IL1RAPL2: variants seen among roughly 807,000 people sequenced by gnomAD.
IL1RAPL2 encodes interleukin 1 receptor accessory protein like 2.
Under a neutral mutation model 44.1 loss-of-function variants are expected in IL1RAPL2, and 3 were observed. The ratio of observed to expected loss-of-function variants is 0.07; its 90% CI spans 0.03 to 0.18. The LOEUF is 0.18. IL1RAPL2 is among the 10% of genes least tolerant of loss of function. IL1RAPL2 has a pLI of 1.00. For missense variants in IL1RAPL2, 391 were observed against 496.4 expected (o/e 0.79, Z 2.02); for synonymous variants, 181 against 178.8 (o/e 1.01, Z -0.10).
intron 6 of IL1RAPL2, among the ~76,000 whole-genome samples, chrX:105,583,487 T>G (rs1401656576): frequency 1.8e-5 from 2 of 112,144 alleles, no homozygotes; most frequent in African/African-American, 6.5e-5. Flanking sequence ...CTGGTTTTTC[T>G]GCATAAGCCT....
rs764211455 is a variant in IL1RAPL2, at chrX:104,976,808, A to G, written c.83-218667A>G. Among the ~76,000 whole-genome samples the G allele has an allele frequency of 3.6e-5, 4 of 110,701 alleles. No individual in the cohort carries two copies. The South Asian group carries it at 1.6e-3, about 44-fold the overall frequency. ...CCCAAAGGCCTGATTGGGGCCACAG[A>G]AAAATGTGACTCTGGTGTTCCTCAG... On this transcript the variant is annotated intron_variant, in intron 2 of 10. Coordinates refer to ENST00000372582, the MANE Select transcript of IL1RAPL2 (RefSeq NM_017416.2).
At chrX:104,922,725 C>T (rs1924675856) in intron 2 of IL1RAPL2, among the ~76,000 whole-genome samples, 1 of 111,374 alleles carries the variant, frequency 9.0e-6, no homozygotes, top group African/African-American at 3.3e-5. Context: ...GAAAAGGGAC[C>T]AGTACAAGAA....
intron 6 of IL1RAPL2, among the ~76,000 whole-genome samples, chrX:105,698,508 C>T (rs1301443417): frequency 8.9e-6 from 1 of 111,766 alleles, no homozygotes; most frequent in East Asian, 2.8e-4. Context: ...TTTCAGTGCA[C>T]AGTCACCTCT....
chrX:104,771,202 T>C (rs981765124), intron 2 of IL1RAPL2, among the ~76,000 whole-genome samples: 5 of 112,215 alleles, frequency 4.5e-5, no homozygotes, highest in African/African-American at 1.6e-4. Context: ...TAAACCTAAG[T>C]TGTAATCAGC....
intron 2 of IL1RAPL2, among the ~76,000 whole-genome samples, chrX:104,966,370 T>A (rs939989831): frequency 9.0e-6 from 1 of 111,112 alleles, no homozygotes; most frequent in Non-Finnish European, 1.9e-5. Flanking sequence ...GTAGAAAAAT[T>A]GAAAGTAAAA....
intron 5 of IL1RAPL2, among the ~76,000 whole-genome samples, chrX:105,434,412 C>T (rs940467610): frequency 2.6e-4 from 29 of 111,980 alleles, no homozygotes; most frequent in African/African-American, 8.1e-4. Context: ...TGACTGTTTA[C>T]GGCAGCAGTA....
At chrX:104,618,198 G>A (rs1929316545) in intron 1 of IL1RAPL2, among the ~76,000 whole-genome samples, 1 of 111,786 alleles carries the variant, frequency 8.9e-6, no homozygotes, top group Non-Finnish European at 1.9e-5. Context: ...GGTACTTACA[G>A]GTAAGAGCTG....
chrX:104,722,835 C>T (rs1400351957), intron 2 of IL1RAPL2, among the ~76,000 whole-genome samples: 3 of 111,430 alleles, frequency 2.7e-5, no homozygotes, highest in Non-Finnish European at 5.7e-5. Context: ...CAGAATCTGA[C>T]GAATGGATGG....
intron 2 of IL1RAPL2, among the ~76,000 whole-genome samples, chrX:105,188,543 C>T (rs2033609440): frequency 9.0e-6 from 1 of 111,240 alleles, no homozygotes; most frequent in Non-Finnish European, 1.9e-5. Context: ...CAAAGCATTG[C>T]ACAGATTCTA....
chrX:105,259,780 G>A lies in IL1RAPL2; in HGVS notation c.544-7608G>A, dbSNP rs759777869. Among the ~76,000 whole-genome samples, 6 of 111,549 alleles carry A rather than the reference G, an allele frequency of 5.4e-5. 1 individual carries two copies. Among genetic ancestry groups the A allele is most frequent in the Non-Finnish European group, 1.1e-4 (6 of 53,065 alleles). ...CCACTACAGAGGTAGTGGCACAGAG[G>A]TTTTCAGTTGTCCTTGGAGACTCTG... On this transcript the variant is annotated intron_variant, in intron 4 of 10. Coordinates refer to ENST00000372582, the MANE Select transcript of IL1RAPL2 (RefSeq NM_017416.2).
At chrX:104,784,991 G>A (rs1336575664) in intron 2 of IL1RAPL2, among the ~76,000 whole-genome samples, 1 of 110,776 alleles carries the variant, frequency 9.0e-6, no homozygotes, top group Non-Finnish European at 1.9e-5. Context: ...TGGAGGAGGT[G>A]CTCTGGACTT....
At chrX:105,193,192 G>A (rs1226184401) in intron 2 of IL1RAPL2, among the ~76,000 whole-genome samples, 2 of 111,485 alleles carry the variant, frequency 1.8e-5, no homozygotes, top group East Asian at 5.6e-4. Flanking sequence ...GATTTGGGAA[G>A]CAAATTGAAA....
At chrX:104,585,358 ATATTATATATATT>A (rs1928529725) in intron 1 of IL1RAPL2, among the ~76,000 whole-genome samples, 1 of 25,862 alleles carries the variant, frequency 3.9e-5, no homozygotes, top group African/African-American at 2.9e-4. Flanking sequence ...TATATTATAT[ATATTATATATATT>A]ATATATAATA....
intron 10 of IL1RAPL2, among the ~76,000 whole-genome samples, chrX:105,759,876 T>C (rs2038672263): frequency 8.9e-6 from 1 of 112,137 alleles, no homozygotes; most frequent in South Asian, 3.7e-4. Context: ...CTAGTTCCTC[T>C]AATAGCCGAA....
chrX:105,120,923 T>G (rs1279195775), intron 2 of IL1RAPL2, among the ~76,000 whole-genome samples: 3 of 111,298 alleles, frequency 2.7e-5, no homozygotes, highest in African/African-American at 9.8e-5. Context: ...GTCCTTTTTT[T>G]TTTCCTCTGC....
intron 2 of IL1RAPL2, among the ~76,000 whole-genome samples, chrX:105,021,139 A>G (rs1261530488): frequency 9.0e-6 from 1 of 111,473 alleles, no homozygotes; most frequent in Non-Finnish European, 1.9e-5. Flanking sequence ...ATCCCTTGAG[A>G]TGTACTTAAG....
chrX:104,904,579 T>C (rs1222759606), intron 2 of IL1RAPL2, among the ~76,000 whole-genome samples: 20 of 108,151 alleles, frequency 1.8e-4, no homozygotes, highest in Admixed American at 9.0e-4. Context: ...TGTGATAGTT[T>C]ACTGAGAATG....
chrX:105,084,244 A>G (rs373038320), intron 2 of IL1RAPL2, among the ~76,000 whole-genome samples: 4 of 112,486 alleles, frequency 3.6e-5, no homozygotes, highest in African/African-American at 1.3e-4. Flanking sequence ...GAGGAGGGCC[A>G]CTGTCCTCCA....
intron 6 of IL1RAPL2, among the ~76,000 whole-genome samples, chrX:105,601,446 C>A (rs956664642): frequency 4.5e-5 from 5 of 111,042 alleles, no homozygotes; most frequent in Admixed American, 9.6e-5. Flanking sequence ...GAGATGGCAG[C>A]ATACAGACAG....
Sources: allele counts gnomAD v4.1 joint callset (sites outside exome capture counted in the v4.1 genomes callset), GRCh38; gene constraint gnomAD v4.1.1; transcripts MANE v1.5; gene names NCBI Gene and HGNC (gene_info 2026-07-23, HGNC 2026-07-21).